The following CCDC63 variants were observed in gnomAD, a reference collection of about 807,000 sequenced individuals.
CCDC63 encodes coiled-coil domain containing 63, also known as coiled-coil domain-containing protein 63.
CCDC63 carries 54 observed loss-of-function variants against 63.6 expected under a neutral mutation model. The observed-to-expected ratio is 0.85, with a 90% CI of 0.68 to 1.07. The LOEUF (loss-of-function observed/expected upper bound fraction) is 1.07, where lower values mean the gene tolerates loss of function less well. Among genes scored for constraint, CCDC63 ranks in the 50% least tolerant of loss-of-function variants. CCDC63 has a pLI of 0.00. For synonymous variants in CCDC63, 253 were observed against 266.1 expected (o/e 0.95, Z 0.48); for missense variants, 637 against 689.6 (o/e 0.92, Z 0.86).
intron 4 of CCDC63, among the ~76,000 whole-genome samples, chr12:110,869,333 C>T (rs1012969457): frequency 1.3e-5 from 2 of 152,248 alleles, no homozygotes; most frequent in East Asian, 3.9e-4. Flanking sequence ...TGTCATTGTC[C>T]TCTTCATTCC....
intron 1 of CCDC63, among the ~76,000 whole-genome samples, chr12:110,849,388 T>C (rs2070677412): frequency 6.6e-6 from 1 of 152,148 alleles, no homozygotes; most frequent in Non-Finnish European, 1.5e-5. Flanking sequence ...GGTGTGACGG[T>C]GATATTTCTC....
chr12:110,898,629 A>G (rs1240631319), intron 9 of CCDC63, among the ~76,000 whole-genome samples: 2 of 151,924 alleles, frequency 1.3e-5, no homozygotes, highest in East Asian at 1.9e-4. Context: ...AAAAAAAAAA[A>G]AAAAAATTCG....
In CCDC63 at chr12:110,899,099, C is replaced by A; in HGVS notation, c.1316C>A (p.Thr439Asn). The A allele has an allele frequency of 1.9e-6, 3 of 1,612,872 alleles. No individual in the cohort carries two copies. The highest frequency in any genetic ancestry group is 2.5e-6 in the Non-Finnish European group (3 of 1,179,498). ...LVQLGETGKV[T>N]DINLPQYFAI... is the part of the protein sequence containing the mutation. ...CAGTTAGGGGAGACGGGGAAAGTCACTGACATCAACCTTCCGCAGTATTTT... is the reference window on the plus strand; with the variant it reads ...CAGTTAGGGGAGACGGGGAAAGTCAATGACATCAACCTTCCGCAGTATTTT... Residue 439 changes from threonine (T) to asparagine (N), a missense_variant, in exon 10 of 12, where the codon ACT becomes AAT. By Grantham distance (65) the Thr-to-Asn change is moderately conservative. Coordinates refer to ENST00000308208, the MANE Select transcript of CCDC63 (RefSeq NM_152591.3).
In CCDC63 at chr12:110,889,006, G is replaced by A. The variant is rs1476316318; in HGVS notation, c.1075-4070G>A. On this transcript the variant is annotated intron_variant, in intron 8 of 11. Transcript: ENST00000308208. The surrounding 1 kb of genome is among the most constrained non-coding windows in gnomAD (Gnocchi z 4.1). ...CTCATCTCAGCCTCCAGAGTGGCTGGGACTACAGGCACACACCACCACACC... is the reference window on the plus strand; with the variant it reads ...CTCATCTCAGCCTCCAGAGTGGCTGAGACTACAGGCACACACCACCACACC... Among the ~76,000 whole-genome samples, 1 of 151,882 alleles carries A rather than the reference G, an allele frequency of 6.6e-6. No individual in the cohort carries two copies. The highest frequency in any genetic ancestry group is 1.5e-5 in the Non-Finnish European group (1 of 67,996).
intron 7 of CCDC63, among the ~76,000 whole-genome samples, chr12:110,882,774 C>T (rs541639294): frequency 2.8e-4 from 42 of 152,160 alleles, no homozygotes; most frequent in South Asian, 8.3e-4. Context: ...GTGGGAGGAT[C>T]GCCTGAGCCT....
chr12:110,886,544 G>A (rs1217094353), intron 8 of CCDC63, among the ~76,000 whole-genome samples: 1 of 152,208 alleles, frequency 6.6e-6, no homozygotes, highest in African/African-American at 2.4e-5. Context: ...AATGGGTCAG[G>A]GGAGGGAGGA....
chr12:110,864,292 T>A (rs2070906192), intron 4 of CCDC63, among the ~76,000 whole-genome samples: 1 of 152,220 alleles, frequency 6.6e-6, no homozygotes, highest in South Asian at 2.1e-4. Flanking sequence ...ATTTACCATC[T>A]GGCCCTTTAA....
chr12:110,862,682 T>C (rs1179995632), intron 4 of CCDC63, among the ~76,000 whole-genome samples: 1 of 152,188 alleles, frequency 6.6e-6, no homozygotes, highest in Non-Finnish European at 1.5e-5. Context: ...CTTCAGGTGA[T>C]GGCGCAGTCT....
chr12:110,860,778 G>A (rs957317904), intron 4 of CCDC63, among the ~76,000 whole-genome samples: 18 of 152,056 alleles, frequency 1.2e-4, no homozygotes, highest in African/African-American at 3.9e-4. Flanking sequence ...TAGTACAGAC[G>A]GGGTTTCACC....
chr12:110,880,319 C>T (rs554300233), intron 6 of CCDC63, among the ~76,000 whole-genome samples: 2 of 152,182 alleles, frequency 1.3e-5, no homozygotes. Flanking sequence ...ATTTTACAGA[C>T]TGGAATGTGC....
intron 5 of CCDC63, among the ~76,000 whole-genome samples, chr12:110,879,143 GAAT>G (rs1361871210): frequency 6.6e-6 from 1 of 152,100 alleles, no homozygotes; most frequent in African/African-American, 2.4e-5. Context: ...CCTACAAAAT[GAAT>G]AATATTTCCA....
intron 10 of CCDC63, among the ~76,000 whole-genome samples, chr12:110,901,892 A>G (rs1383716616): frequency 1.3e-5 from 2 of 151,870 alleles, no homozygotes; most frequent in East Asian, 3.9e-4. Context: ...GTGCAATGGC[A>G]TGATCTCAGC....
intron 7 of CCDC63, among the ~76,000 whole-genome samples, chr12:110,881,714 T>C (rs2071211729): frequency 7.3e-6 from 1 of 136,552 alleles, no homozygotes; most frequent in African/African-American, 2.8e-5. Flanking sequence ...AGAATAAGAC[T>C]CTCAAAAAAA....
At chr12:110,873,759 C>T in intron 4 of CCDC63, 83 bp from the exon 5 acceptor site, 1 of 1,526,156 alleles carries the variant, frequency 6.6e-7, no homozygotes. Context: ...GCTATCTGAG[C>T]ACACTTCAGT....
chr12:110,848,092 G>C (rs1470929249), intron 1 of CCDC63, among the ~76,000 whole-genome samples: 6 of 152,232 alleles, frequency 3.9e-5, no homozygotes, highest in Admixed American at 3.9e-4. Flanking sequence ...GCAGCTTTTA[G>C]ATTCCTAACA....
In CCDC63 at chr12:110,899,087, C is replaced by G; in HGVS notation, c.1304C>G (p.Thr435Arg). 6.2e-7 allele frequency: 1 copy of G among 1,612,504 alleles called. No homozygotes were observed. The highest frequency in any genetic ancestry group is 8.5e-7 in the Non-Finnish European group (1 of 1,179,322). ...ATKILVQLGE[T>R]GKVTDINLPQ... ...AAGATCCTGGTGCAGTTAGGGGAGACGGGGAAAGTCACTGACATCAACCTT... is the reference window on the plus strand; with the variant it reads ...AAGATCCTGGTGCAGTTAGGGGAGAGGGGGAAAGTCACTGACATCAACCTT... The change falls in exon 10 of 12, where the codon ACG (threonine) becomes AGG (arginine). Residue 435 changes from threonine (T) to arginine (R), a missense_variant. Thr to Arg is a moderately conservative substitution (Grantham distance 71). Coordinates refer to ENST00000308208, the MANE Select transcript of CCDC63 (RefSeq NM_152591.3).
chr12:110,859,305 A>G (rs2070820388), intron 4 of CCDC63, among the ~76,000 whole-genome samples: 2 of 151,462 alleles, frequency 1.3e-5, no homozygotes, highest in African/African-American at 4.9e-5. Context: ...GAAGTGAAAC[A>G]TGTCACTTCT....
intron 4 of CCDC63, among the ~76,000 whole-genome samples, chr12:110,868,144 C>T (rs1250115389): frequency 1.4e-4 from 21 of 148,268 alleles, no homozygotes; most frequent in African/African-American, 5.3e-4. Context: ...GGCGGCCGGG[C>T]AGAGACGCTC....
intron 11 of CCDC63, among the ~76,000 whole-genome samples, chr12:110,905,856 G>A (rs2071553369): frequency 1.1e-5 from 1 of 89,386 alleles, no homozygotes; most frequent in Non-Finnish European, 2.2e-5. Context: ...ATATGTGTGT[G>A]TGTATGTGTA....
Sources: gnomAD v4.1 joint callset for allele counts (sites outside exome capture counted in the v4.1 genomes callset) on GRCh38, gnomAD v4.1.1 for gene constraint, Gnocchi (gnomAD v3.1) non-coding constraint, MANE v1.5 for transcripts, NCBI Gene and HGNC (gene_info 2026-07-23, HGNC 2026-07-21) for gene names.